Variants in EYA1 observed in about 807,000 individuals in gnomAD.
The protein encoded by EYA1 is protein phosphatase EYA1.
In EYA1, 16 loss-of-function variants were observed where a neutral mutation model predicts 82.0. The ratio of observed to expected loss-of-function variants is 0.20; its 90% CI spans 0.13 to 0.30. EYA1 has a LOEUF of 0.30. EYA1 is among the 10% of genes least tolerant of loss of function. EYA1 has a pLI of 1.00. For synonymous variants in EYA1, 261 were observed against 264.4 expected, an observed-to-expected ratio of 0.99 and a Z score of 0.12; for missense variants, 633 against 730.7, an observed-to-expected ratio of 0.87 and a Z score of 1.54.
chr8:71,254,603 C>T (rs1236265422), intron 11 of EYA1, among the ~76,000 whole-genome samples: 3 of 152,014 alleles, frequency 2.0e-5, no homozygotes, highest in African/African-American at 7.2e-5. Context: ...ATATGAAAAG[C>T]CCACAACGAA....
intron 3 of EYA1, among the ~76,000 whole-genome samples, chr8:71,336,880 G>T (rs1253465476): frequency 6.6e-6 from 1 of 152,122 alleles, no homozygotes; most frequent in African/African-American, 2.4e-5. Context: ...GATCACCAGG[G>T]ACCTGATGCT....
chr8:71,418,053 A>C (rs1428299876), intron 2 of EYA1, among the ~76,000 whole-genome samples: 1 of 152,110 alleles, frequency 6.6e-6, no homozygotes, highest in East Asian at 1.9e-4. Flanking sequence ...CTCATCTACT[A>C]AGTAGCCTTT....
chr8:71,322,266 T>C lies in EYA1; in HGVS notation c.205A>G (p.Ile69Val), dbSNP rs1032162749. The C allele has an allele frequency of 1.9e-6, 3 of 1,613,608 alleles. No homozygotes were observed. The highest frequency in any genetic ancestry group is 2.7e-5 in the African/African-American group (2 of 74,912). The change falls in exon 5 of 18, where the codon ATT becomes GTT. Residue 69 changes from isoleucine (I) to valine (V), a missense_variant and splice_region_variant. By Grantham distance (29) the Ile-to-Val change is conservative (BLOSUM62 3). Transcript: ENST00000340726. ...CGTGGGCTGAAACTACTGCTCCCAATTGCTGGAAAACAAAAACAAAACAAA... is the reference window on the plus strand; with the variant it reads ...CGTGGGCTGAAACTACTGCTCCCAACTGCTGGAAAACAAAAACAAAACAAA... ...GSLNNFSGSA[I>V]GSSSFSPRPT...
chr8:71,201,584 C>A (rs923434139), intron 17 of EYA1, among the ~76,000 whole-genome samples: 1 of 152,114 alleles, frequency 6.6e-6, no homozygotes, highest in Non-Finnish European at 1.5e-5. Flanking sequence ...TAAAGAAATA[C>A]AAATCATTTC....
intron 2 of EYA1, among the ~76,000 whole-genome samples, chr8:71,421,006 C>A (rs1238078076): frequency 6.6e-6 from 1 of 152,058 alleles, no homozygotes; most frequent in African/African-American, 2.4e-5. Flanking sequence ...GTGGTCATGT[C>A]CAAATTTTGC....
At chr8:71,523,729 T>C (rs781049533) in intron 2 of EYA1, among the ~76,000 whole-genome samples, 7 of 152,206 alleles carry the variant, frequency 4.6e-5, no homozygotes, top group Admixed American at 6.5e-5. Flanking sequence ...ATAGATCATA[T>C]GTTCATTTGA....
chr8:71,442,843 A>G (rs1336339228), intron 2 of EYA1, among the ~76,000 whole-genome samples: 1 of 152,244 alleles, frequency 6.6e-6, no homozygotes, highest in African/African-American at 2.4e-5. Flanking sequence ...GTCCTGGTCA[A>G]TACTGAAGTC....
At chr8:71,345,612 A>T (rs1305304658) in intron 3 of EYA1, among the ~76,000 whole-genome samples, 1 of 152,196 alleles carries the variant, frequency 6.6e-6, no homozygotes, top group Non-Finnish European at 1.5e-5. Context: ...TGCTCTCACA[A>T]GCATGCAATT....
At chr8:71,533,510 G>T (rs1025886417) in intron 2 of EYA1, among the ~76,000 whole-genome samples, 3 of 152,200 alleles carry the variant, frequency 2.0e-5, no homozygotes, top group African/African-American at 7.2e-5. Flanking sequence ...ACTGGTCCAG[G>T]ACTCTTTTCA....
chr8:71,352,822 T>C (rs1344893885), intron 3 of EYA1, among the ~76,000 whole-genome samples: 1 of 152,196 alleles, frequency 6.6e-6, no homozygotes, highest in African/African-American at 2.4e-5. Flanking sequence ...TTACTCCACA[T>C]GTGCTTAGAA....
At chr8:71,236,150 C>G (rs1214455494) in intron 12 of EYA1, among the ~76,000 whole-genome samples, 1 of 152,248 alleles carries the variant, frequency 6.6e-6, no homozygotes, top group African/African-American at 2.4e-5. Flanking sequence ...ATTCTCCTGC[C>G]TCAGCATCCC....
At chr8:71,312,286 C>G (rs1031179) in intron 7 of EYA1, among the ~76,000 whole-genome samples, 14,874 of 152,198 alleles carry the variant, frequency 0.098, 964 homozygotes, top group South Asian at 0.22. Flanking sequence ...AAAAGCCACT[C>G]CTGTGAGCTC....
intron 17 of EYA1, among the ~76,000 whole-genome samples, chr8:71,208,181 C>T (rs1294510169): frequency 6.6e-6 from 1 of 151,590 alleles, no homozygotes; most frequent in Admixed American, 6.6e-5. Context: ...GCCTGTAATC[C>T]CAGCACTTTG....
intron 17 of EYA1, among the ~76,000 whole-genome samples, chr8:71,203,988 G>C (rs574373345): frequency 6.6e-6 from 1 of 152,118 alleles, no homozygotes; most frequent in Non-Finnish European, 1.5e-5. Context: ...TAGAACATGG[G>C]ATATTTACCC....
chr8:71,387,346 T>C (rs1032262985), intron 2 of EYA1, among the ~76,000 whole-genome samples: 1 of 152,108 alleles, frequency 6.6e-6, no homozygotes, highest in African/African-American at 2.4e-5. Context: ...GGTGTTGACA[T>C]TTAAGAGGAG....
chr8:71,418,887 A>G (rs1206501544), intron 2 of EYA1, among the ~76,000 whole-genome samples: 1 of 152,138 alleles, frequency 6.6e-6, no homozygotes, highest in African/African-American at 2.4e-5. Flanking sequence ...TTGGATGGGG[A>G]CCTAAAGGAA....
intron 2 of EYA1, among the ~76,000 whole-genome samples, chr8:71,372,445 C>T (rs1289385426): frequency 6.6e-6 from 1 of 152,018 alleles, no homozygotes; most frequent in Non-Finnish European, 1.5e-5. Flanking sequence ...TTTCCCAATC[C>T]TTTCTCAGGT....
chr8:71,380,218 A>G (rs192447675), intron 2 of EYA1, among the ~76,000 whole-genome samples: 1 of 152,276 alleles, frequency 6.6e-6, no homozygotes, highest in East Asian at 1.9e-4. Flanking sequence ...ACATTTATGT[A>G]TTAACTAAAT....
At position 71,411,846 on chromosome 8, in the gene EYA1, A is replaced by G. The variant is rs974287727; in HGVS notation, c.34-55335T>C. Among the ~76,000 whole-genome samples, 94 of 147,902 alleles carry G rather than the reference A, an allele frequency of 6.4e-4. 1 individual carries two copies. Among genetic ancestry groups the G allele is most frequent in the African/African-American group, 2.1e-3 (82 of 39,548 alleles). On this transcript the variant is annotated intron_variant, in intron 2 of 18. Transcript: ENST00000643681. Reference sequence around the variant, plus strand: ...CGATTCCTCAGGGATCTAGAACTAGAAATACCATTTGACCCAGCCATCCCA... The same window carrying G: ...CGATTCCTCAGGGATCTAGAACTAGGAATACCATTTGACCCAGCCATCCCA...
Sources: gnomAD v4.1 joint callset for allele counts (sites outside exome capture counted in the v4.1 genomes callset) on GRCh38, gnomAD v4.1.1 for gene constraint, MANE v1.5 for transcripts, NCBI Gene and HGNC (gene_info 2026-07-23, HGNC 2026-07-21) for gene names.